KCNIP4: variants seen among roughly 807,000 people sequenced by gnomAD.
KCNIP4 encodes Kv channel-interacting protein 4.
Under a neutral mutation model 34.0 loss-of-function variants are expected in KCNIP4, and 12 were observed. The ratio of observed to expected loss-of-function variants is 0.35; its 90% confidence interval spans 0.23 to 0.57. The LOEUF (loss-of-function observed/expected upper bound fraction) is 0.57, where lower values mean the gene tolerates loss of function less well. Ranked by LOEUF, KCNIP4 falls within the 20% of genes least tolerant of loss-of-function variation. KCNIP4 has a pLI of 0.83. For synonymous variants in KCNIP4, 124 were observed against 102.2 expected, an observed-to-expected ratio of 1.21 and a Z score of -1.29; for missense variants, 238 against 311.7, an observed-to-expected ratio of 0.76 and a Z score of 1.78.
intron 1 of KCNIP4, among the ~76,000 whole-genome samples, chr4:21,637,535 C>A (rs911080427): frequency 2.6e-5 from 4 of 152,028 alleles, no homozygotes; most frequent in African/African-American, 9.7e-5. Context: ...GTAATCCCAG[C>A]ACTTTGGGAG....
intron 1 of KCNIP4, among the ~76,000 whole-genome samples, chr4:20,901,355 A>T (rs1225229925): frequency 6.6e-6 from 1 of 152,214 alleles, no homozygotes; most frequent in African/African-American, 2.4e-5. Context: ...TATTGGTCTC[A>T]TCAGCCTCAC....
intron 1 of KCNIP4, among the ~76,000 whole-genome samples, chr4:21,121,416 G>A (rs1288439255): frequency 6.6e-6 from 1 of 152,134 alleles, no homozygotes; most frequent in African/African-American, 2.4e-5. Flanking sequence ...TGTTTTCTTT[G>A]TTTAATTATT....
At chr4:21,651,655 C>T (rs1747488566) in intron 1 of KCNIP4, among the ~76,000 whole-genome samples, 1 of 152,082 alleles carries the variant, frequency 6.6e-6, no homozygotes, top group African/African-American at 2.4e-5. Context: ...GCCAAAGAAA[C>T]TAATGAATTC....
chr4:21,103,997 GGGTT>G, intron 1 of KCNIP4, among the ~76,000 whole-genome samples: 1 of 151,774 alleles, frequency 6.6e-6, no homozygotes, highest in East Asian at 1.9e-4. Context: ...TTGGACATTT[GGGTT>G]GGTTCCAAGT....
chr4:21,278,344 C>T (rs1240752158), intron 1 of KCNIP4, among the ~76,000 whole-genome samples: 2 of 152,020 alleles, frequency 1.3e-5, no homozygotes, highest in African/African-American at 2.4e-5. Flanking sequence ...TGCTCCTCTC[C>T]CTCCTCCCAC....
chr4:20,876,254 T>G (rs1272365005), intron 2 of KCNIP4, among the ~76,000 whole-genome samples: 1 of 152,144 alleles, frequency 6.6e-6, no homozygotes, highest in Non-Finnish European at 1.5e-5. Context: ...GTAAGTGCCT[T>G]TTTGTCAAAT....
chr4:21,239,631 T>G (rs1489227345), intron 1 of KCNIP4, among the ~76,000 whole-genome samples: 1 of 152,166 alleles, frequency 6.6e-6, no homozygotes, highest in Non-Finnish European at 1.5e-5. Flanking sequence ...AAAATGCTCA[T>G]CATCACTGAC....
chr4:20,992,141 A>G (rs1253694465), intron 1 of KCNIP4, among the ~76,000 whole-genome samples: 1 of 152,222 alleles, frequency 6.6e-6, no homozygotes, highest in Non-Finnish European at 1.5e-5. Context: ...AATACTCGAG[A>G]CTGGGTAATT....
At chr4:21,315,731 T>C (rs1578067247) in intron 1 of KCNIP4, among the ~76,000 whole-genome samples, 1 of 152,350 alleles carries the variant, frequency 6.6e-6, no homozygotes, top group African/African-American at 2.4e-5. Context: ...ATTTATGGCA[T>C]CCACTCAACA....
At chr4:21,058,975 T>C (rs1743668974) in intron 1 of KCNIP4, among the ~76,000 whole-genome samples, 1 of 152,102 alleles carries the variant, frequency 6.6e-6, no homozygotes, top group African/African-American at 2.4e-5. Context: ...TGATAGTGAA[T>C]AAGTTTCATG....
chr4:21,559,921 T>C (rs1339472727), intron 1 of KCNIP4, among the ~76,000 whole-genome samples: 1 of 152,150 alleles, frequency 6.6e-6, no homozygotes, highest in Non-Finnish European at 1.5e-5. Context: ...TTAATTACAC[T>C]GTGGATAACT....
intron 1 of KCNIP4, among the ~76,000 whole-genome samples, chr4:21,339,462 T>C (rs371509463): frequency 6.6e-6 from 1 of 152,202 alleles, no homozygotes; most frequent in African/African-American, 2.4e-5. Context: ...ATTTGAATAG[T>C]AGCATGACAA....
chr4:21,910,961 C>A (rs1253082945), intron 1 of KCNIP4, among the ~76,000 whole-genome samples: 1 of 152,100 alleles, frequency 6.6e-6, no homozygotes, highest in Non-Finnish European at 1.5e-5. Context: ...ATCTGCTATT[C>A]ATTTTTTAAA....
intron 1 of KCNIP4, among the ~76,000 whole-genome samples, chr4:21,069,361 C>T (rs1176314720): frequency 1.3e-5 from 2 of 152,198 alleles, no homozygotes; most frequent in Non-Finnish European, 2.9e-5. Flanking sequence ...CATCATTCTA[C>T]TCTGTTGACA....
chr4:21,711,439 G>A (rs1364773540), intron 1 of KCNIP4, among the ~76,000 whole-genome samples: 11 of 151,844 alleles, frequency 7.2e-5, no homozygotes, highest in Admixed American at 7.2e-4. Context: ...CCAAGATCGC[G>A]CCACTGCACT....
chr4:21,881,306 T>C (rs755053429), intron 1 of KCNIP4, among the ~76,000 whole-genome samples: 1 of 152,132 alleles, frequency 6.6e-6, no homozygotes, highest in Non-Finnish European at 1.5e-5. Flanking sequence ...ATAGGGTGAA[T>C]GTAGAGAAGC....
intron 1 of KCNIP4, among the ~76,000 whole-genome samples, chr4:21,175,767 A>G (rs1437566174): frequency 1.3e-5 from 2 of 152,214 alleles, no homozygotes; most frequent in Non-Finnish European, 2.9e-5. Flanking sequence ...GCTACGCAGA[A>G]TGCCATGCAG....
chr4:21,333,245 C>T (rs1328186692), intron 1 of KCNIP4, among the ~76,000 whole-genome samples: 1 of 151,726 alleles, frequency 6.6e-6, no homozygotes, highest in Non-Finnish European at 1.5e-5. Flanking sequence ...GTTTTCCCTC[C>T]TAGAGTATAA....
intron 1 of KCNIP4, among the ~76,000 whole-genome samples, chr4:21,834,624 A>G (rs1033870718): frequency 2.0e-5 from 3 of 152,156 alleles, no homozygotes; most frequent in Non-Finnish European, 4.4e-5. Context: ...AACTTCCAAC[A>G]CTATGTTGAA....
Sources: allele counts gnomAD v4.1 joint callset (sites outside exome capture counted in the v4.1 genomes callset), GRCh38; gene constraint gnomAD v4.1.1; transcripts MANE v1.5; gene names NCBI Gene and HGNC (gene_info 2026-07-23, HGNC 2026-07-21).